The following MAF variants were observed in gnomAD, a reference collection of about 807,000 sequenced individuals.
MAF encodes transcription factor Maf.
Under a neutral mutation model 22.0 loss-of-function variants are expected in MAF, and 10 were observed. The ratio of observed to expected loss-of-function variants is 0.45; its 90% confidence interval spans 0.28 to 0.77. The LOEUF is 0.77. MAF is among the 30% of genes least tolerant of loss of function. The probability of loss-of-function intolerance (pLI) is 0.12; values close to 1 mark genes in which losing one functional copy is unlikely to be tolerated. For synonymous variants in MAF, 337 were observed against 255.8 expected (o/e 1.32, Z -3.03); for missense variants, 544 against 548.4 (o/e 0.99, Z 0.08).
chr16:79,384,220 G>C, the MAF span, among the ~76,000 whole-genome samples: 7 of 152,120 alleles, frequency 4.6e-5, no homozygotes, highest in African/African-American at 1.7e-4. Flanking sequence ...AAGTCAAGTG[G>C]ATCACCTGAG....
At chr16:79,570,851 C>A in the MAF span, among the ~76,000 whole-genome samples, 3 of 152,162 alleles carry the variant, frequency 2.0e-5, no homozygotes, top group Non-Finnish European at 4.4e-5. Context: ...ATGTTCTGTG[C>A]GAGTTTCTGT....
the MAF span, among the ~76,000 whole-genome samples, chr16:79,215,256 C>G: frequency 6.6e-6 from 1 of 152,030 alleles, no homozygotes; most frequent in African/African-American, 2.4e-5. Context: ...ATCTTTTTTC[C>G]TTTTAAACAG....
chr16:79,599,302 C>A lies in MAF; in HGVS notation c.601G>T (p.Gly201Cys). The A allele has an allele frequency of 1.0e-6, 1 of 981,054 alleles. No homozygotes were observed. The highest frequency in any genetic ancestry group is 4.6e-5 in the South Asian group (1 of 21,828). 60.8% of individuals were successfully genotyped at this position (981,054 alleles called of 1,614,324 possible). A position where few individuals can be genotyped will look rare whatever the true frequency, so the allele number is the denominator to read the frequency against. The change falls in exon 1 of 2, where the codon GGC (glycine) becomes TGC (cysteine). Residue 201 changes from glycine (G) to cysteine (C), a missense_variant. Gly to Cys is a radical substitution (Grantham distance 159). This residue lies in a region of MAF where 342 missense variants were observed against 315.5 expected (regional missense o/e 1.08). Coordinates refer to ENST00000326043, the MANE Select transcript of MAF (RefSeq NM_005360.5). ...GAGGCGGCCGCGCTGCCCGCGGCGC[C>A]GGGCGCGCCGGCCGTCGGGTGGTGG... Reference protein sequence around the residue: ...HHHHPTAGAPGAAGSAAASAG... With the variant: ...HHHHPTAGAPCAAGSAAASAG...
At chr16:79,218,058 T>C in the MAF span, among the ~76,000 whole-genome samples, 2 of 147,846 alleles carry the variant, frequency 1.4e-5, no homozygotes, top group African/African-American at 2.5e-5. Context: ...ATTAACTCTT[T>C]GTGTCTTTCA....
chr16:79,228,015 C>G, the MAF span, among the ~76,000 whole-genome samples: 1 of 152,116 alleles, frequency 6.6e-6, no homozygotes, highest in African/African-American at 2.4e-5. Context: ...GCGATCCTCT[C>G]ACCTGAGCCT....
chr16:79,453,170 T>C, the MAF span, among the ~76,000 whole-genome samples: 1 of 152,120 alleles, frequency 6.6e-6, no homozygotes, highest in Non-Finnish European at 1.5e-5. Flanking sequence ...AGTGAGTAAG[T>C]GGTACCTACA....
the MAF span, among the ~76,000 whole-genome samples, chr16:79,344,730 C>G: frequency 2.6e-5 from 4 of 152,148 alleles, no homozygotes; most frequent in Non-Finnish European, 5.9e-5. Flanking sequence ...GTTATACCAT[C>G]CTGTTTATTT....
At chr16:79,445,642 T>C in the MAF span, among the ~76,000 whole-genome samples, 3 of 152,204 alleles carry the variant, frequency 2.0e-5, no homozygotes, top group Admixed American at 2.0e-4. Flanking sequence ...ATATCTTCCA[T>C]GGAGTCAGGG....
chr16:79,587,175 T>C (rs1912897568), intron 1 of MAF, among the ~76,000 whole-genome samples: 1 of 152,226 alleles, frequency 6.6e-6, no homozygotes, highest in African/African-American at 2.4e-5. Context: ...AAAGTTGCCC[T>C]AAACACGTTA....
the MAF span, among the ~76,000 whole-genome samples, chr16:79,425,850 T>A: frequency 6.6e-6 from 1 of 152,170 alleles, no homozygotes; most frequent in Admixed American, 6.5e-5. Context: ...ACCTCATATG[T>A]GGTAGAATCA....
At chr16:79,524,914 A>G in the MAF span, among the ~76,000 whole-genome samples, 2 of 152,182 alleles carry the variant, frequency 1.3e-5, no homozygotes, top group African/African-American at 4.8e-5. Flanking sequence ...ACACGCACAC[A>G]GATACAGCCA....
At chr16:79,386,787 C>T in the MAF span, among the ~76,000 whole-genome samples, 1 of 151,996 alleles carries the variant, frequency 6.6e-6, no homozygotes, top group East Asian at 1.9e-4. Context: ...ATGGACAAGC[C>T]ACAAGCCATC....
chr16:79,590,399 G>C (rs967392844), downstream of MAF, among the ~76,000 whole-genome samples: 7 of 152,190 alleles, frequency 4.6e-5, no homozygotes, highest in South Asian at 2.1e-4. Context: ...GCATAGCGCT[G>C]TCTGTGTCTA....
At chr16:79,267,769 C>T in the MAF span, among the ~76,000 whole-genome samples, 3 of 152,122 alleles carry the variant, frequency 2.0e-5, no homozygotes, top group African/African-American at 4.8e-5. Context: ...AAGAGTGCAG[C>T]GTACATGTGC....
At chr16:79,431,030 C>T in the MAF span, among the ~76,000 whole-genome samples, 1 of 152,196 alleles carries the variant, frequency 6.6e-6, no homozygotes, top group East Asian at 1.9e-4. Flanking sequence ...GTGAATAGTT[C>T]CTTTGTGTGA....
the MAF span, among the ~76,000 whole-genome samples, chr16:79,569,441 A>G: frequency 1.3e-5 from 2 of 152,270 alleles, no homozygotes; most frequent in East Asian, 3.9e-4. Flanking sequence ...CCTCTATCAG[A>G]TTGTTTTCCA....
chr16:79,505,590 G>A, the MAF span: 1 of 152,352 alleles, frequency 6.6e-6, no homozygotes, highest in Non-Finnish European at 1.5e-5. Context: ...AGGGACCGGA[G>A]ACAATGCAGA....
chr16:79,472,717 T>C, the MAF span, among the ~76,000 whole-genome samples: 2 of 152,066 alleles, frequency 1.3e-5, no homozygotes, highest in Non-Finnish European at 2.9e-5. Flanking sequence ...TACAACTCTA[T>C]ACATATACAA....
chr16:79,237,223 T>C, the MAF span, among the ~76,000 whole-genome samples: 1 of 152,080 alleles, frequency 6.6e-6, no homozygotes, highest in African/African-American at 2.4e-5. Flanking sequence ...TTGGTGTCCA[T>C]GCACCAAGAC....
Sources: gnomAD v4.1 joint callset for allele counts (sites outside exome capture counted in the v4.1 genomes callset) on GRCh38, gnomAD v4.1.1 for gene constraint, gnomAD v4.1.1 regional missense constraint, MANE v1.5 for transcripts, NCBI Gene and HGNC (gene_info 2026-07-23, HGNC 2026-07-21) for gene names.